ACVR2A: variants seen among roughly 807,000 people sequenced by gnomAD.
ACVR2A encodes activin A receptor type 2A.
A neutral mutation model predicts 61.4 loss-of-function variants in ACVR2A; 7 were observed. The ratio of observed to expected loss-of-function variants is 0.11; its 90% CI spans 0.06 to 0.21. ACVR2A has a LOEUF of 0.21. Among genes scored for constraint, ACVR2A ranks in the 10% least tolerant of loss-of-function variants. The probability of loss-of-function intolerance (pLI) is 1.00; values close to 1 mark genes in which losing one functional copy is unlikely to be tolerated. For missense variants in ACVR2A, 322 were observed against 621.7 expected (o/e 0.52, Z 5.13); for synonymous variants, 193 against 208.3 (o/e 0.93, Z 0.63).
At chr2:147,918,963 G>A (rs1394608994) in intron 7 of ACVR2A, among the ~76,000 whole-genome samples, 2 of 152,060 alleles carry the variant, frequency 1.3e-5, no homozygotes, top group East Asian at 3.9e-4. Flanking sequence ...TTCCTTGCTT[G>A]TTTTTTGAAT....
rs745388373 is a variant in ACVR2A, at chr2:147,915,313, T to C, written c.651T>C (p.Ala217=). 9.9e-6 allele frequency: 16 copies of C among 1,611,884 alleles called. No homozygotes were observed. The highest frequency in any genetic ancestry group is 1.7e-5 in the Admixed American group (1 of 59,828). Reference sequence around the variant, plus strand: ...CCCAGTTGCTTAACGAATATGTGGCTGTCAAAATATTTCCAATACAGGTAT... The same window carrying C: ...CCCAGTTGCTTAACGAATATGTGGCCGTCAAAATATTTCCAATACAGGTAT... The part of the protein sequence containing the change: ...WKAQLLNEYV[A]VKIFPIQDKQ... Residue 217 remains alanine (A), a synonymous_variant, in exon 5 of 11, where the codon GCT becomes GCC. Coordinates refer to ENST00000241416, the MANE Select transcript of ACVR2A (RefSeq NM_001616.5).
At chr2:147,868,067 C>T (rs950081993) in intron 1 of ACVR2A, among the ~76,000 whole-genome samples, 10 of 152,208 alleles carry the variant, frequency 6.6e-5, no homozygotes, top group Non-Finnish European at 7.3e-5. Context: ...TCTCTCTTCA[C>T]GTTAGAACTT....
At chr2:147,891,954 C>CT (rs1193490561) in intron 1 of ACVR2A, among the ~76,000 whole-genome samples, 9 of 146,750 alleles carry the variant, frequency 6.1e-5, no homozygotes, top group Admixed American at 2.0e-4. Flanking sequence ...AGCAGCCCTT[C>CT]TTTTTTTTGT....
chr2:147,920,494 C>G (rs2105219066), intron 8 of ACVR2A, 150 bp downstream of exon 8: 1 of 634,686 alleles, frequency 1.6e-6, no homozygotes, highest in African/African-American at 1.9e-5. Context: ...AAGACATTTT[C>G]ATATGATGGT....
intron 4 of ACVR2A, among the ~76,000 whole-genome samples, chr2:147,911,415 G>A (rs564061056): frequency 6.6e-6 from 1 of 152,098 alleles, no homozygotes; most frequent in African/African-American, 2.4e-5. Flanking sequence ...TTGGATCATT[G>A]CCAACTTTTA....
intron 1 of ACVR2A, among the ~76,000 whole-genome samples, chr2:147,891,453 G>C (rs998238723): frequency 2.0e-5 from 3 of 151,416 alleles, no homozygotes. Context: ...GTGGCAGACC[G>C]CACAACCTAT....
chr2:147,885,640 T>G (rs1000793582), intron 1 of ACVR2A, among the ~76,000 whole-genome samples: 1 of 152,142 alleles, frequency 6.6e-6, no homozygotes, highest in Non-Finnish European at 1.5e-5. Context: ...TATTATGACT[T>G]CTAAAAGTAT....
At chr2:147,881,100 A>C (rs1026694270) in intron 1 of ACVR2A, among the ~76,000 whole-genome samples, 9 of 152,288 alleles carry the variant, frequency 5.9e-5, no homozygotes, top group African/African-American at 2.2e-4. Flanking sequence ...GGCACAGGGA[A>C]GTTGAGATCT....
intron 1 of ACVR2A, among the ~76,000 whole-genome samples, chr2:147,880,410 T>G (rs1686272844): frequency 6.6e-6 from 1 of 152,120 alleles, no homozygotes; most frequent in Non-Finnish European, 1.5e-5. Context: ...TCTTTTTATT[T>G]TCTAAAGTCA....
At chr2:147,877,543 T>G (rs1017940682) in intron 1 of ACVR2A, 3 of 152,230 alleles carry the variant, frequency 2.0e-5, no homozygotes, top group Non-Finnish European at 4.4e-5. Context: ...TATATCACCT[T>G]GTTAATTTAA....
intron 1 of ACVR2A, among the ~76,000 whole-genome samples, chr2:147,881,965 C>CA (rs1349679176): frequency 6.6e-6 from 1 of 152,018 alleles, no homozygotes; most frequent in East Asian, 1.9e-4. Flanking sequence ...AATTAAGAAA[C>CA]AAACTATTAA....
intron 2 of ACVR2A, chr2:147,898,174 G>GGT (rs1558807151): frequency 1.3e-5 from 2 of 151,948 alleles, no homozygotes; most frequent in Admixed American, 6.6e-5. Context: ...TGTGTCTGGA[G>GGT]GTTAAATGCT....
intron 1 of ACVR2A, among the ~76,000 whole-genome samples, chr2:147,882,885 G>A (rs867332262): frequency 5.3e-5 from 8 of 152,122 alleles, no homozygotes; most frequent in Middle Eastern, 6.8e-3. Flanking sequence ...GTTTGGTGGT[G>A]GGAAGGGGCT....
chr2:147,913,973 A>C (rs1341508217), intron 4 of ACVR2A, among the ~76,000 whole-genome samples: 1 of 151,924 alleles, frequency 6.6e-6, no homozygotes, highest in Admixed American at 6.6e-5. Flanking sequence ...TTTTTCCTAC[A>C]TAACACCTTG....
At chr2:147,891,793 T>C (rs1686589261) in intron 1 of ACVR2A, among the ~76,000 whole-genome samples, 1 of 152,192 alleles carries the variant, frequency 6.6e-6, no homozygotes, top group African/African-American at 2.4e-5. Context: ...ATAAAAAAAT[T>C]GCCATTCCTG....
At chr2:147,892,271 A>G (rs748658583) in intron 1 of ACVR2A, among the ~76,000 whole-genome samples, 1 of 151,728 alleles carries the variant, frequency 6.6e-6, no homozygotes, top group Admixed American at 6.6e-5. Flanking sequence ...TGCTGGGCCC[A>G]TTCTTTTATA....
chr2:147,869,426 G>C (rs770629274), intron 1 of ACVR2A, among the ~76,000 whole-genome samples: 1 of 152,138 alleles, frequency 6.6e-6, no homozygotes, highest in Admixed American at 6.6e-5. Context: ...TTGTGTTTGC[G>C]TGTGTTTAAA....
intron 1 of ACVR2A, among the ~76,000 whole-genome samples, chr2:147,863,902 A>C (rs185643104): frequency 3.9e-5 from 6 of 152,364 alleles, no homozygotes; most frequent in Admixed American, 3.9e-4. Context: ...AGAGAATCAA[A>C]TGTTCAAAGT....
At chr2:147,900,532 ACC>A (rs1360949046) in intron 4 of ACVR2A, 2 of 151,960 alleles carry the variant, frequency 1.3e-5, no homozygotes, top group African/African-American at 4.8e-5. Flanking sequence ...CACACATCAC[ACC>A]CCAAATATTT....
Sources: allele counts gnomAD v4.1 joint callset (sites outside exome capture counted in the v4.1 genomes callset), GRCh38; gene constraint gnomAD v4.1.1; transcripts MANE v1.5; gene names NCBI Gene and HGNC (gene_info 2026-07-23, HGNC 2026-07-21).